Variants in FRMD4A observed in about 807,000 individuals in gnomAD.
FRMD4A encodes FERM domain containing 4A, also known as FERM domain-containing protein 4A.
In FRMD4A, 29 loss-of-function variants were observed where a neutral mutation model predicts 129.1. The ratio of observed to expected loss-of-function variants is 0.22; its 90% CI spans 0.17 to 0.31. FRMD4A has a LOEUF of 0.31. Ranked by LOEUF, FRMD4A falls within the 10% of genes least tolerant of loss-of-function variation. The pLI, the probability that FRMD4A is intolerant of heterozygous loss-of-function variation, is 1.00. For missense variants in FRMD4A, 1,272 were observed against 1,375.8 expected, an observed-to-expected ratio of 0.92 and a Z score of 1.19; for synonymous variants, 634 against 571.6, an observed-to-expected ratio of 1.11 and a Z score of -1.56.
At chr10:14,227,249 T>C (rs1461394351) in intron 2 of FRMD4A, among the ~76,000 whole-genome samples, 2 of 107,074 alleles carry the variant, frequency 1.9e-5, no homozygotes, top group Non-Finnish European at 3.8e-5. Context: ...TCTTCTTTTT[T>C]TTTTTTTTTT....
intron 2 of FRMD4A, among the ~76,000 whole-genome samples, chr10:14,041,199 T>C (rs1008291718): frequency 2.0e-5 from 3 of 152,232 alleles, no homozygotes; most frequent in African/African-American, 7.2e-5. Context: ...TCAGAGCACA[T>C]GTCAAACACT....
chr10:13,959,648 T>C (rs2095434118), intron 2 of FRMD4A, among the ~76,000 whole-genome samples: 1 of 152,080 alleles, frequency 6.6e-6, no homozygotes, highest in Non-Finnish European at 1.5e-5. Context: ...ACCCGCTTCA[T>C]GAGCTTGGGA....
chr10:13,844,494 G>C (rs2094014930), intron 3 of FRMD4A, among the ~76,000 whole-genome samples: 1 of 152,106 alleles, frequency 6.6e-6, no homozygotes, highest in South Asian at 2.1e-4. Context: ...CAAAGTAAAG[G>C]AATGCCGATA....
At chr10:13,690,715 T>C (rs1219560294) in intron 15 of FRMD4A, among the ~76,000 whole-genome samples, 1 of 152,208 alleles carries the variant, frequency 6.6e-6, no homozygotes, top group Non-Finnish European at 1.5e-5. Flanking sequence ...GCACTGAAGC[T>C]GACAATGGGA....
chr10:14,031,512 C>T (rs978322561), intron 2 of FRMD4A, among the ~76,000 whole-genome samples: 1 of 152,178 alleles, frequency 6.6e-6, no homozygotes, highest in African/African-American at 2.4e-5. Flanking sequence ...AGGTGATCCA[C>T]CTGCCTCGGC....
intron 2 of FRMD4A, among the ~76,000 whole-genome samples, chr10:14,237,504 T>A (rs1317292983): frequency 6.6e-6 from 1 of 152,040 alleles, no homozygotes; most frequent in East Asian, 1.9e-4. Context: ...CTAATTTTTG[T>A]ATTTTTAGTA....
At chr10:13,984,172 A>G (rs1268522556) in intron 2 of FRMD4A, among the ~76,000 whole-genome samples, 2 of 152,162 alleles carry the variant, frequency 1.3e-5, no homozygotes, top group Non-Finnish European at 2.9e-5. Context: ...AGCAAAACCC[A>G]GGACAGATTT....
chr10:14,000,668 A>AAAAAG (rs1555009702), intron 2 of FRMD4A, among the ~76,000 whole-genome samples: 1 of 74,518 alleles, frequency 1.3e-5, no homozygotes, highest in African/African-American at 3.1e-5. Flanking sequence ...AAAAAAAAAA[A>AAAAAG]GAGAAGAAAG....
chr10:14,252,646 G>A (rs539299162), intron 2 of FRMD4A, among the ~76,000 whole-genome samples: 54 of 152,294 alleles, frequency 3.5e-4, no homozygotes, highest in African/African-American at 1.3e-3. Flanking sequence ...GTTGATTCAT[G>A]CCATTTCTGG....
intron 2 of FRMD4A, among the ~76,000 whole-genome samples, chr10:14,156,137 A>T (rs1046914468): frequency 1.4e-4 from 22 of 152,202 alleles, no homozygotes; most frequent in Non-Finnish European, 2.8e-4. Context: ...ATGTCCACTC[A>T]CAAGACAACG....
intron 12 of FRMD4A, among the ~76,000 whole-genome samples, chr10:13,734,232 C>T (rs958714340): frequency 6.6e-6 from 1 of 152,178 alleles, no homozygotes. Context: ...TCCTGAAGCC[C>T]CGCCAGGTGT....
intron 2 of FRMD4A, among the ~76,000 whole-genome samples, chr10:14,133,122 T>C (rs756570465): frequency 6.6e-6 from 1 of 152,178 alleles, no homozygotes; most frequent in African/African-American, 2.4e-5. Flanking sequence ...GCATTTTTGA[T>C]AAAAATGATT....
intron 2 of FRMD4A, among the ~76,000 whole-genome samples, chr10:13,932,309 T>C (rs570438572): frequency 5.9e-5 from 9 of 152,334 alleles, no homozygotes; most frequent in African/African-American, 2.2e-4. Context: ...TTAACATGGG[T>C]CATGTCCTCT....
chr10:13,804,557 T>TCCTTCCTTCCTTCCTTCCTTCCTTCC (rs1286188255), intron 4 of FRMD4A, among the ~76,000 whole-genome samples: 1 of 151,976 alleles, frequency 6.6e-6, no homozygotes. Context: ...ATTTCTTTTT[T>TCCTTCCTTCCTTCCTTCCTTCCTTCC]TTGTTGAGAC....
At chr10:14,160,612 C>A (rs764172568) in intron 2 of FRMD4A, among the ~76,000 whole-genome samples, 2 of 151,996 alleles carry the variant, frequency 1.3e-5, no homozygotes, top group Non-Finnish European at 2.9e-5. Flanking sequence ...AATAATAATC[C>A]CATTAAAATG....
chr10:14,228,703 T>C (rs551360604), intron 2 of FRMD4A, among the ~76,000 whole-genome samples: 22 of 152,108 alleles, frequency 1.4e-4, no homozygotes, highest in South Asian at 1.0e-3. Context: ...TCTGGAGTAA[T>C]TGAGTTAAAG....
rs1259139315 is a variant in FRMD4A, at chr10:13,657,218, C to T, written c.2371G>A (p.Gly791Ser). 7.1e-6 allele frequency: 11 copies of T among 1,556,088 alleles called. No homozygotes were observed. The South Asian group carries it at 8.2e-5, about 12-fold the overall frequency. The change falls in exon 22 of 25, where the codon GGC becomes AGC. Residue 791 changes from glycine to serine, a missense_variant. By Grantham distance (56) the Gly-to-Ser change is moderately conservative. Coordinates refer to ENST00000357447, the MANE Select transcript of FRMD4A (RefSeq NM_018027.5). ...CCCGAGCTGGCTGAGCCCAGTGCGC[C>T]CGCCGCCCGCTGCCGCTGCCTCTGC... ...QRQRQRQRAA[G>S]ALGSASSGSM...
chr10:14,174,734 T>C (rs192038815), intron 2 of FRMD4A, among the ~76,000 whole-genome samples: 2 of 152,190 alleles, frequency 1.3e-5, no homozygotes, highest in African/African-American at 4.8e-5. Context: ...ATTTCACACC[T>C]GGATAGTTAA....
At chr10:14,235,272 C>G (rs1452416435) in intron 2 of FRMD4A, among the ~76,000 whole-genome samples, 1 of 137,962 alleles carries the variant, frequency 7.2e-6, no homozygotes, top group African/African-American at 2.7e-5. Flanking sequence ...GCCTCAGCCT[C>G]CCGAGCAGCT....
Sources: gnomAD v4.1 joint callset for allele counts (sites outside exome capture counted in the v4.1 genomes callset) on GRCh38, gnomAD v4.1.1 for gene constraint, MANE v1.5 for transcripts, NCBI Gene and HGNC (gene_info 2026-07-23, HGNC 2026-07-21) for gene names.